THSD7B: variants seen among roughly 807,000 people sequenced by gnomAD.
THSD7B encodes thrombospondin type 1 domain containing 7B, also known as thrombospondin type-1 domain-containing protein 7B.
In THSD7B, 138 loss-of-function variants were observed where a neutral mutation model predicts 213.6. The observed-to-expected ratio is 0.65, with a 90% CI of 0.56 to 0.74. The LOEUF (loss-of-function observed/expected upper bound fraction) is 0.74, where lower values mean the gene tolerates loss of function less well. THSD7B is among the 30% of genes least tolerant of loss of function. The pLI is 0.00. For missense variants in THSD7B, 1,931 were observed against 1,991.5 expected (o/e 0.97, Z 0.58); for synonymous variants, 742 against 687.0 (o/e 1.08, Z -1.25).
At chr2:137,674,801 C>T (rs1210554721) in intron 27 of THSD7B, among the ~76,000 whole-genome samples, 2 of 152,162 alleles carry the variant, frequency 1.3e-5, no homozygotes, top group African/African-American at 2.4e-5. Flanking sequence ...TCTCAATGAG[C>T]ACCCGCTGCA....
At chr2:137,525,419 T>C (rs574732075) in intron 15 of THSD7B, among the ~76,000 whole-genome samples, 4 of 152,264 alleles carry the variant, frequency 2.6e-5, no homozygotes, top group Admixed American at 2.6e-4. Flanking sequence ...ATCCCTTCAG[T>C]GTACATTTGA....
At chr2:137,390,285 AT>A (rs548280439) in intron 12 of THSD7B, among the ~76,000 whole-genome samples, 93 of 151,596 alleles carry the variant, frequency 6.1e-4, no homozygotes, top group African/African-American at 2.0e-3. Context: ...TTATTTTTAG[AT>A]TTTTTTTGTA....
At chr2:136,885,473 C>T (rs1683702352) in intron 2 of THSD7B, among the ~76,000 whole-genome samples, 1 of 152,108 alleles carries the variant, frequency 6.6e-6, no homozygotes, top group Non-Finnish European at 1.5e-5. Flanking sequence ...GTGATGAGAT[C>T]CTATAATCTA....
intron 20 of THSD7B, among the ~76,000 whole-genome samples, chr2:137,624,741 T>C (rs1241451488): frequency 6.6e-6 from 1 of 152,156 alleles, no homozygotes; most frequent in Admixed American, 6.5e-5. Flanking sequence ...TCATCACTGG[T>C]CATCAGAGAA....
chr2:137,088,267 AT>A (rs1687880766), intron 3 of THSD7B, among the ~76,000 whole-genome samples: 1 of 151,824 alleles, frequency 6.6e-6, no homozygotes, highest in South Asian at 2.1e-4. Flanking sequence ...ATAAAATTAA[AT>A]TTAAAAAAAG....
intron 2 of THSD7B, among the ~76,000 whole-genome samples, chr2:136,915,241 CA>C (rs1352190780): frequency 2.6e-5 from 4 of 152,100 alleles, no homozygotes; most frequent in Non-Finnish European, 5.9e-5. Context: ...AAGGGACTTA[CA>C]AAAAATCCTT....
intron 2 of THSD7B, among the ~76,000 whole-genome samples, chr2:137,009,495 A>G (rs1410482689): frequency 6.6e-6 from 1 of 152,150 alleles, no homozygotes; most frequent in Non-Finnish European, 1.5e-5. Context: ...GCTAATAAAG[A>G]CATACCCAAG....
intron 12 of THSD7B, among the ~76,000 whole-genome samples, chr2:137,297,917 T>C (rs1683506221): frequency 6.6e-6 from 1 of 152,170 alleles, no homozygotes; most frequent in Non-Finnish European, 1.5e-5. Flanking sequence ...GATATGTCTT[T>C]ATCAGCAGTG....
chr2:137,385,818 T>G (rs2104970748), intron 12 of THSD7B, among the ~76,000 whole-genome samples: 1 of 152,304 alleles, frequency 6.6e-6, no homozygotes, highest in East Asian at 1.9e-4. Context: ...GAAATCTTGG[T>G]TTCAAAGTCA....
intron 2 of THSD7B, among the ~76,000 whole-genome samples, chr2:136,959,200 A>G (rs575309174): frequency 1.3e-5 from 2 of 152,344 alleles, no homozygotes; most frequent in Admixed American, 6.5e-5. Context: ...AACTGGCTTC[A>G]GTCATTATAC....
At chr2:137,345,894 T>C (rs961255594) in intron 12 of THSD7B, among the ~76,000 whole-genome samples, 10 of 151,416 alleles carry the variant, frequency 6.6e-5, no homozygotes, top group African/African-American at 1.7e-4. Context: ...CACACACACA[T>C]ATATACACAC....
At chr2:136,771,158 A>G (rs189731679) in intron 1 of THSD7B, among the ~76,000 whole-genome samples, 1 of 152,106 alleles carries the variant, frequency 6.6e-6, no homozygotes, top group Admixed American at 6.5e-5. Context: ...TTCAGAATTA[A>G]CTCAATTTAT....
intron 16 of THSD7B, among the ~76,000 whole-genome samples, chr2:137,565,166 A>G (rs1055565464): frequency 6.6e-6 from 1 of 152,192 alleles, no homozygotes; most frequent in Non-Finnish European, 1.5e-5. Flanking sequence ...TCTAGTCTCC[A>G]GAATTATGAG....
At chr2:137,415,602 A>G (rs1686776622) in intron 14 of THSD7B, among the ~76,000 whole-genome samples, 2 of 150,386 alleles carry the variant, frequency 1.3e-5, no homozygotes, top group African/African-American at 4.9e-5. Flanking sequence ...GCAACAAAAT[A>G]TCCCGTGACA....
intron 1 of THSD7B, among the ~76,000 whole-genome samples, chr2:136,867,770 T>C (rs933277591): frequency 6.6e-6 from 1 of 152,220 alleles, no homozygotes; most frequent in Non-Finnish European, 1.5e-5. Flanking sequence ...TTTCCAGTGG[T>C]AAATTGCCAG....
chr2:137,167,394 A>C (rs944322472), intron 6 of THSD7B, among the ~76,000 whole-genome samples: 36 of 151,402 alleles, frequency 2.4e-4, no homozygotes, highest in Non-Finnish European at 4.4e-4. Flanking sequence ...GTAGAGATGG[A>C]GTTTTACCAT....
At chr2:137,565,949 C>A (rs1034624056) in intron 16 of THSD7B, among the ~76,000 whole-genome samples, 6 of 152,100 alleles carry the variant, frequency 3.9e-5, no homozygotes, top group African/African-American at 1.2e-4. Context: ...ACTGAGGTAG[C>A]CCTAGAAAAC....
At chr2:137,402,980 A>G (rs1352306219) in intron 12 of THSD7B, among the ~76,000 whole-genome samples, 1 of 152,200 alleles carries the variant, frequency 6.6e-6, no homozygotes, top group Non-Finnish European at 1.5e-5. Context: ...CTAAACAAGC[A>G]ATTCAAAGAA....
chr2:137,522,239 A>G (rs1430032140), intron 15 of THSD7B, among the ~76,000 whole-genome samples: 1 of 152,222 alleles, frequency 6.6e-6, no homozygotes, highest in Non-Finnish European at 1.5e-5. Context: ...AGTCCCTTGT[A>G]GACTGCATGT....
Sources: allele counts gnomAD v4.1 joint callset (sites outside exome capture counted in the v4.1 genomes callset), GRCh38; gene constraint gnomAD v4.1.1; transcripts MANE v1.5; gene names NCBI Gene and HGNC (gene_info 2026-07-23, HGNC 2026-07-21).